SLC9A9: variants seen among roughly 807,000 people sequenced by gnomAD.
SLC9A9 encodes the protein sodium/hydrogen exchanger 9.
In SLC9A9, 62 loss-of-function variants were observed where a neutral mutation model predicts 77.8. The observed-to-expected ratio is 0.80, with a 90% CI of 0.65 to 0.98. The LOEUF is 0.98. Ranked by LOEUF, SLC9A9 falls within the 50% of genes least tolerant of loss-of-function variation. The pLI is 0.00. For missense variants in SLC9A9, 775 were observed against 774.9 expected, an observed-to-expected ratio of 1.00 and a Z score of 0.00; for synonymous variants, 320 against 283.5, an observed-to-expected ratio of 1.13 and a Z score of -1.29.
chr3:143,479,748 C>T (rs2035542751), intron 11 of SLC9A9, among the ~76,000 whole-genome samples: 2 of 152,102 alleles, frequency 1.3e-5, no homozygotes, highest in African/African-American at 2.4e-5. Flanking sequence ...TTGTCTTCTA[C>T]AGGGATGTCA....
intron 3 of SLC9A9, among the ~76,000 whole-genome samples, chr3:143,796,072 C>T (rs1019292824): frequency 1.3e-5 from 2 of 152,180 alleles, no homozygotes; most frequent in African/African-American, 2.4e-5. Context: ...AGAGCAGCCA[C>T]ATCACCTCTG....
chr3:143,463,946 TA>T (rs1336095333), intron 12 of SLC9A9, among the ~76,000 whole-genome samples: 1 of 152,204 alleles, frequency 6.6e-6, no homozygotes, highest in Non-Finnish European at 1.5e-5. Context: ...TTGCTTTATA[TA>T]AAACATTTTC....
At position 143,266,075 on chromosome 3, in the gene SLC9A9, C is replaced by T. The variant is rs553982918; in HGVS notation, c.*627G>A. On this transcript the variant is annotated 3_prime_UTR_variant, in exon 16 of 16. Coordinates refer to ENST00000316549, the MANE Select transcript of SLC9A9 (RefSeq NM_173653.4). ...CCCAGCCATAGGCAACCCCTTTGAG[C>T]GATGGGAGAAGTAGCATAAGAAGGA... 3.0e-4 allele frequency: 212 copies of T among 702,262 alleles called. 1 individual carries two copies. Among genetic ancestry groups the T allele is most frequent in the South Asian group, 1.8e-3 (121 of 67,574 alleles). 43.5% of individuals were successfully genotyped at this position (702,262 alleles called of 1,614,324 possible).
chr3:143,510,063 T>C (rs1237003936), intron 9 of SLC9A9, among the ~76,000 whole-genome samples: 1 of 152,182 alleles, frequency 6.6e-6, no homozygotes, highest in African/African-American at 2.4e-5. Context: ...TTTGTATAGA[T>C]TAAATGTGGA....
intron 14 of SLC9A9, among the ~76,000 whole-genome samples, chr3:143,333,789 CTT>C (rs1284476012): frequency 6.6e-6 from 1 of 152,210 alleles, no homozygotes. Context: ...ATGGTTTACT[CTT>C]TTGGCAAAAT....
At chr3:143,316,051 G>A (rs2031199273) in intron 14 of SLC9A9, among the ~76,000 whole-genome samples, 1 of 152,228 alleles carries the variant, frequency 6.6e-6, no homozygotes, top group African/African-American at 2.4e-5. Context: ...CAGACAAGTT[G>A]TATTATAGTT....
intron 4 of SLC9A9, among the ~76,000 whole-genome samples, chr3:143,739,907 C>A (rs1935036153): frequency 6.6e-6 from 1 of 152,150 alleles, no homozygotes; most frequent in African/African-American, 2.4e-5. Flanking sequence ...CCTCAATGAA[C>A]CCTTCAAGTT....
At chr3:143,545,439 T>C (rs753446775) in intron 9 of SLC9A9, among the ~76,000 whole-genome samples, 14 of 152,184 alleles carry the variant, frequency 9.2e-5, no homozygotes, top group South Asian at 2.1e-4. Flanking sequence ...TCTGCTATAT[T>C]AGGACCTCCA....
chr3:143,700,909 A>AG (rs778292444), intron 4 of SLC9A9, among the ~76,000 whole-genome samples: 5 of 152,230 alleles, frequency 3.3e-5, no homozygotes, highest in Non-Finnish European at 7.3e-5. Context: ...TGGTGGCCAC[A>AG]GGGGTACTTG....
intron 14 of SLC9A9, among the ~76,000 whole-genome samples, chr3:143,291,650 A>T (rs1052067629): frequency 3.9e-5 from 6 of 152,252 alleles, no homozygotes; most frequent in Non-Finnish European, 1.5e-5. Context: ...GGGGAAAAAG[A>T]TAACAATCAG....
chr3:143,363,308 A>G (rs992521641), intron 14 of SLC9A9, among the ~76,000 whole-genome samples, 176 bp downstream of exon 14: 2 of 152,262 alleles, frequency 1.3e-5, no homozygotes, highest in Admixed American at 6.5e-5. Context: ...ACACTTAAGT[A>G]TGGACTACCC....
chr3:143,523,340 T>C (rs1382064989), intron 9 of SLC9A9, among the ~76,000 whole-genome samples: 1 of 152,176 alleles, frequency 6.6e-6, no homozygotes, highest in Non-Finnish European at 1.5e-5. Context: ...AATAGCTTTT[T>C]GTCTTTTACA....
chr3:143,743,797 T>C (rs1935140101), intron 4 of SLC9A9, among the ~76,000 whole-genome samples: 1 of 152,236 alleles, frequency 6.6e-6, no homozygotes, highest in South Asian at 2.1e-4. Context: ...AGAACCTTCG[T>C]GTGATTGCTA....
At chr3:143,842,587 T>G (rs538299299) in intron 1 of SLC9A9, among the ~76,000 whole-genome samples, 2 of 152,320 alleles carry the variant, frequency 1.3e-5, no homozygotes, top group East Asian at 3.9e-4. Context: ...CTCCTAACCG[T>G]GATTACCTTT....
intron 12 of SLC9A9, among the ~76,000 whole-genome samples, chr3:143,432,007 C>A (rs994097533): frequency 1.3e-5 from 2 of 152,156 alleles, no homozygotes; most frequent in Non-Finnish European, 2.9e-5. Context: ...CAAATCACAG[C>A]CCAATCCCAT....
chr3:143,276,270 A>G (rs981846307), intron 14 of SLC9A9, among the ~76,000 whole-genome samples: 1 of 152,244 alleles, frequency 6.6e-6, no homozygotes, highest in Admixed American at 6.5e-5. Context: ...AAACATTCCA[A>G]CTATACTTTT....
At chr3:143,457,801 A>C (rs1278064324) in intron 12 of SLC9A9, among the ~76,000 whole-genome samples, 1 of 152,194 alleles carries the variant, frequency 6.6e-6, no homozygotes, top group Admixed American at 6.5e-5. Context: ...TTATGATCAG[A>C]GAACAAACAC....
Position 143,632,676 on chromosome 3 carries a change from G to A in SLC9A9, c.755+19579C>T, listed in dbSNP as rs537915920. ...ATAGTATTACATGGTTAGTAATTTG[G>A]AACTTAAAGAAAAAATAATATAAAT... On this transcript the variant is annotated intron_variant, in intron 6 of 15. Transcript: ENST00000316549. Among the ~76,000 whole-genome samples, 3 of 152,224 alleles carry A rather than the reference G, an allele frequency of 2.0e-5. No homozygotes were observed. In the South Asian group the frequency reaches 6.2e-4, roughly 32 times the overall value.
chr3:143,626,186 A>T (rs572351476), intron 6 of SLC9A9, among the ~76,000 whole-genome samples: 1 of 152,232 alleles, frequency 6.6e-6, no homozygotes, highest in Non-Finnish European at 1.5e-5. Context: ...AACTAGTTCA[A>T]CCATTGTGGA....
Sources: allele counts gnomAD v4.1 joint callset (sites outside exome capture counted in the v4.1 genomes callset), GRCh38; gene constraint gnomAD v4.1.1; transcripts MANE v1.5; gene names NCBI Gene and HGNC (gene_info 2026-07-23, HGNC 2026-07-21).